Variants in LARP1B observed in about 807,000 individuals in gnomAD.
LARP1B encodes the protein la-related protein 1B.
A neutral mutation model predicts 114.2 loss-of-function variants in LARP1B; 76 were observed. The observed-to-expected ratio is 0.67, with a 90% confidence interval of 0.55 to 0.81. LARP1B has a LOEUF of 0.81. Among genes scored for constraint, LARP1B ranks in the 30% least tolerant of loss-of-function variants. The probability of loss-of-function intolerance (pLI) is 0.00; values close to 1 mark genes in which losing one functional copy is unlikely to be tolerated. For missense variants in LARP1B, 1,014 were observed against 1,075.8 expected (o/e 0.94, Z 0.80); for synonymous variants, 345 against 348.0 (o/e 0.99, Z 0.10).
At chr4:128,136,315 G>GAAA (rs763929976) in intron 11 of LARP1B, among the ~76,000 whole-genome samples, 1 of 111,772 alleles carries the variant, frequency 8.9e-6, no homozygotes. Context: ...ACAGTCTCAA[G>GAAA]AAAAACAAAA....
At chr4:128,174,657 C>T (rs1449448392) in intron 12 of LARP1B, among the ~76,000 whole-genome samples, 1 of 151,962 alleles carries the variant, frequency 6.6e-6, no homozygotes, top group Non-Finnish European at 1.5e-5. Flanking sequence ...CCCCATGTAT[C>T]CATCTCACCT....
chr4:128,113,766 G>A (rs2149889625), intron 9 of LARP1B, among the ~76,000 whole-genome samples: 1 of 148,514 alleles, frequency 6.7e-6, no homozygotes, highest in East Asian at 2.0e-4. Flanking sequence ...GTGCGTTAGT[G>A]ATGTGACATT....
At chr4:128,110,669 T>C (rs1398109738) in intron 9 of LARP1B, among the ~76,000 whole-genome samples, 2 of 1,014 alleles carry the variant, frequency 2.0e-3, no homozygotes, top group African/African-American at 3.3e-3. Context: ...AGAGCGAGAC[T>C]CCGTCTCAAA....
chr4:128,146,153 T>C (rs899679770), intron 11 of LARP1B, among the ~76,000 whole-genome samples: 1 of 152,234 alleles, frequency 6.6e-6, no homozygotes, highest in Admixed American at 6.5e-5. Flanking sequence ...TGTGTACGTG[T>C]GTGTATCTTT....
intron 12 of LARP1B, among the ~76,000 whole-genome samples, chr4:128,164,110 A>T (rs1334186424): frequency 1.3e-5 from 2 of 152,048 alleles, no homozygotes; most frequent in African/African-American, 4.8e-5. Flanking sequence ...TTTTACTTAT[A>T]TATAAAAAAT....
At chr4:128,221,205 C>A (rs1759999399) in intron 7 of LARP1B, among the ~76,000 whole-genome samples, 1 of 152,022 alleles carries the variant, frequency 6.6e-6, no homozygotes, top group Non-Finnish European at 1.5e-5. Flanking sequence ...GATTAGGAAA[C>A]AAATATCATC....
Position 128,199,613 on chromosome 4 carries a change from C to A in LARP1B, c.2164+14C>A. On this transcript the variant is annotated intron_variant, in intron 16 of 19. Coordinates refer to ENST00000326639, the MANE Select transcript of LARP1B (RefSeq NM_018078.4). ...GATGCCTAAGTGGTAAGATGCTTGTCCTTTATCTATCTAATATATTTAAAA... is the reference window on the plus strand; with the variant it reads ...GATGCCTAAGTGGTAAGATGCTTGTACTTTATCTATCTAATATATTTAAAA... 1 of 1,407,884 alleles carries A rather than the reference C, an allele frequency of 7.1e-7. No homozygotes were observed. 87.2% of individuals were successfully genotyped at this position (1,407,884 alleles called of 1,614,324 possible).
chr4:128,178,724 A>G (rs1209997920), intron 14 of LARP1B, 82 bp downstream of exon 14: 8 of 964,126 alleles, frequency 8.3e-6, no homozygotes, highest in South Asian at 7.4e-5. Context: ...TTTCTATCAC[A>G]TTGAAAAATG....
At chr4:128,169,344 T>C (rs928287228) in intron 12 of LARP1B, among the ~76,000 whole-genome samples, 1 of 152,050 alleles carries the variant, frequency 6.6e-6, no homozygotes, top group African/African-American at 2.4e-5. Flanking sequence ...TTTCCTATTA[T>C]AACCATTTAA....
intron 15 of LARP1B, among the ~76,000 whole-genome samples, chr4:128,196,248 C>CAAAAAAAAAAAAAAAA (rs35423896): frequency 3.4e-5 from 3 of 88,612 alleles, no homozygotes; most frequent in African/African-American, 4.4e-5. Flanking sequence ...GAGAGTCTGT[C>CAAAAAAAAAAAAAAAA]AAAAAAAAAA....
chr4:128,142,000 G>C (rs1728275590), intron 11 of LARP1B, among the ~76,000 whole-genome samples: 1 of 152,176 alleles, frequency 6.6e-6, no homozygotes, highest in Non-Finnish European at 1.5e-5. Flanking sequence ...TGGACATGCT[G>C]TACACATTTA....
At chr4:128,073,587 T>TG (rs1561056836) in intron 1 of LARP1B, among the ~76,000 whole-genome samples, 532 of 29,714 alleles carry the variant, frequency 0.018, 4 homozygotes, top group South Asian at 0.028. Flanking sequence ...TTTTTTTTTT[T>TG]TTTTTTTTTT....
intron 11 of LARP1B, among the ~76,000 whole-genome samples, chr4:128,158,919 C>T (rs1413860496): frequency 1.3e-5 from 2 of 151,928 alleles, no homozygotes; most frequent in East Asian, 3.9e-4. Flanking sequence ...CCTGTAATCC[C>T]AGCTGTTCTG....
rs1393394997 is a variant in LARP1B, at chr4:128,188,276, T to G, written c.2003+8764T>G. Reference sequence around the variant, plus strand: ...TTTTAGTAGAGATGGGGTTTCTCCATGTTGGTCAGGCTGGTCTCGAACTCC... The same window carrying G: ...TTTTAGTAGAGATGGGGTTTCTCCAGGTTGGTCAGGCTGGTCTCGAACTCC... On this transcript the variant is annotated intron_variant, in intron 15 of 19. Coordinates refer to ENST00000326639, the MANE Select transcript of LARP1B (RefSeq NM_018078.4). Among the ~76,000 whole-genome samples, 6 of 152,240 alleles carry G rather than the reference T, an allele frequency of 3.9e-5. No homozygotes were observed. In the South Asian group the frequency reaches 1.0e-3, roughly 26 times the overall value.
chr4:128,071,366 A>G (rs1765270431), intron 1 of LARP1B, among the ~76,000 whole-genome samples: 1 of 150,128 alleles, frequency 6.7e-6, no homozygotes, highest in South Asian at 2.1e-4. Context: ...TTTTTAAAGT[A>G]ACTGTATAAA....
At chr4:128,199,189 C>T (rs1755164203) in intron 15 of LARP1B, among the ~76,000 whole-genome samples, 1 of 152,160 alleles carries the variant, frequency 6.6e-6, no homozygotes, top group South Asian at 2.1e-4. Flanking sequence ...CAGTTATCTG[C>T]TTCTGCTTAA....
At chr4:128,166,966 CTCTCTA>C (rs779295632) in intron 12 of LARP1B, among the ~76,000 whole-genome samples, 5,144 of 87,400 alleles carry the variant, frequency 0.059, 104 homozygotes, top group Non-Finnish European at 0.068. Flanking sequence ...CTCTCTCTCT[CTCTCTA>C]TATATATATA....
intron 11 of LARP1B, among the ~76,000 whole-genome samples, chr4:128,137,056 G>A (rs1026998557): frequency 2.6e-5 from 4 of 152,098 alleles, no homozygotes; most frequent in Non-Finnish European, 5.9e-5. Flanking sequence ...AAGTTAAAAA[G>A]TGCAGCTAAG....
At chr4:128,073,564 T>C (rs1280270898) in intron 1 of LARP1B, among the ~76,000 whole-genome samples, 1 of 141,658 alleles carries the variant, frequency 7.1e-6, no homozygotes, top group Admixed American at 7.5e-5. Context: ...TCCTGTTATA[T>C]TGTTGTCGTT....
Sources: allele counts gnomAD v4.1 joint callset (sites outside exome capture counted in the v4.1 genomes callset), GRCh38; gene constraint gnomAD v4.1.1; transcripts MANE v1.5; gene names NCBI Gene and HGNC (gene_info 2026-07-23, HGNC 2026-07-21).